The following SCRG1 variants were observed in gnomAD, a reference collection of about 807,000 sequenced individuals.
The protein encoded by SCRG1 is scrapie-responsive protein 1.
SCRG1 carries 3 observed loss-of-function variants against 7.7 expected under a neutral mutation model. The observed-to-expected ratio is 0.39, with a 90% CI of 0.18 to 1.01. SCRG1 has a LOEUF of 1.01. Among genes scored for constraint, SCRG1 ranks in the 50% least tolerant of loss-of-function variants. SCRG1 has a pLI of 0.36. For synonymous variants in SCRG1, 46 were observed against 41.2 expected (o/e 1.12, Z -0.44); for missense variants, 110 against 117.2 (o/e 0.94, Z 0.28).
At chr4:173,474,900 G>A in the SCRG1 span, among the ~76,000 whole-genome samples, 3 of 150,172 alleles carry the variant, frequency 2.0e-5, no homozygotes, top group African/African-American at 7.5e-5. Context: ...AAAAATCCTT[G>A]TGTGGTGAGT....
At chr4:173,474,597 A>G in the SCRG1 span, among the ~76,000 whole-genome samples, 1 of 152,216 alleles carries the variant, frequency 6.6e-6, no homozygotes, top group Non-Finnish European at 1.5e-5. Context: ...AAGGGATGAC[A>G]CTTGGCAACC....
chr4:173,416,010 C>T, the SCRG1 span, among the ~76,000 whole-genome samples: 2 of 152,230 alleles, frequency 1.3e-5, no homozygotes, highest in African/African-American at 2.4e-5. Flanking sequence ...CCTGGTAAGA[C>T]CAGCATGTGC....
At chr4:173,423,569 A>C in the SCRG1 span, among the ~76,000 whole-genome samples, 1 of 152,192 alleles carries the variant, frequency 6.6e-6, no homozygotes, top group Non-Finnish European at 1.5e-5. Flanking sequence ...ATTTTAAACT[A>C]TTAATAATAA....
chr4:173,461,548 A>G, the SCRG1 span, among the ~76,000 whole-genome samples: 1 of 152,204 alleles, frequency 6.6e-6, no homozygotes, highest in Admixed American at 6.5e-5. Context: ...AGATCACAAC[A>G]CCCAAGTCCT....
chr4:173,454,285 A>T, the SCRG1 span, among the ~76,000 whole-genome samples: 83,166 of 151,292 alleles, frequency 0.55, 24,274 homozygotes, highest in Non-Finnish European at 0.67. Context: ...GGAGGTTAGG[A>T]TTGGTTTCTG....
At chr4:173,438,277 A>T in the SCRG1 span, among the ~76,000 whole-genome samples, 13 of 113,664 alleles carry the variant, frequency 1.1e-4, no homozygotes, top group East Asian at 3.4e-3. Flanking sequence ...TACCATGCCC[A>T]GCTAATTTTT....
the SCRG1 span, among the ~76,000 whole-genome samples, chr4:173,472,271 T>C: frequency 2.6e-5 from 4 of 152,232 alleles, no homozygotes; most frequent in Non-Finnish European, 5.9e-5. Context: ...TCTTTACCAG[T>C]TTTATCTCCA....
chr4:173,432,157 T>A, the SCRG1 span, among the ~76,000 whole-genome samples: 2 of 152,178 alleles, frequency 1.3e-5, no homozygotes, highest in Non-Finnish European at 1.5e-5. Context: ...AGAGCCAGTA[T>A]CATGGGATCT....
At chr4:173,504,305 C>T in the SCRG1 span, among the ~76,000 whole-genome samples, 1,934 of 152,310 alleles carry the variant, frequency 0.013, 46 homozygotes, top group African/African-American at 0.044. This position sits in a 1 kb window ranked among gnomAD's most constrained non-coding sequence, Gnocchi z 4.7. Context: ...GCAGCGCAAA[C>T]GGCGTGCTCC....
At chr4:173,468,417 C>T in the SCRG1 span, 1 of 152,106 alleles carries the variant, frequency 6.6e-6, no homozygotes, top group Non-Finnish European at 1.5e-5. Flanking sequence ...ACAAAATAGC[C>T]TAATGACAGA....
the SCRG1 span, among the ~76,000 whole-genome samples, chr4:173,483,220 ATATATAT>A: frequency 5.3e-5 from 1 of 18,916 alleles, no homozygotes; most frequent in South Asian, 1.6e-3. Context: ...ATCATATAAT[ATATATAT>A]TATATATAAT....
the SCRG1 span, among the ~76,000 whole-genome samples, chr4:173,432,446 C>T: frequency 6.6e-6 from 1 of 151,420 alleles, no homozygotes; most frequent in African/African-American, 2.4e-5. Context: ...CTTCTTCCTC[C>T]TCTCCTGTCT....
the SCRG1 span, among the ~76,000 whole-genome samples, chr4:173,432,517 TCTTTCTACCCA>T: frequency 6.6e-6 from 1 of 151,502 alleles, no homozygotes; most frequent in African/African-American, 2.4e-5. Flanking sequence ...TGTGGATAAC[TCTTTCTACCCA>T]CTTTCTACCC....
chr4:173,485,999 C>T, the SCRG1 span, among the ~76,000 whole-genome samples: 34 of 152,246 alleles, frequency 2.2e-4, 1 homozygote, highest in South Asian at 7.0e-3. Flanking sequence ...GTATGATTCC[C>T]TGTCTCTCTA....
chr4:173,488,006 C>A, the SCRG1 span, among the ~76,000 whole-genome samples: 13 of 151,928 alleles, frequency 8.6e-5, no homozygotes, highest in African/African-American at 2.9e-4. Context: ...GAGGCTGAGG[C>A]ATGAGAATCG....
At chr4:173,443,943 T>TTGTGTGTG in the SCRG1 span, among the ~76,000 whole-genome samples, 2,570 of 138,764 alleles carry the variant, frequency 0.019, 42 homozygotes, top group Middle Eastern at 0.075. Context: ...AGAGCTTGTT[T>TTGTGTGTG]TGTGTGTGTG....
chr4:173,400,539 A>G (rs759590461), upstream of SCRG1, among the ~76,000 whole-genome samples: 39 of 152,162 alleles, frequency 2.6e-4, no homozygotes, highest in Non-Finnish European at 4.4e-4. Flanking sequence ...TAGTTCATCA[A>G]CCAATCAACT....
the SCRG1 span, among the ~76,000 whole-genome samples, chr4:173,478,233 C>T: frequency 4.6e-5 from 7 of 152,294 alleles, no homozygotes; most frequent in African/African-American, 1.7e-4. Context: ...AATATAGTCT[C>T]ATGTAAGAGG....
the SCRG1 span, among the ~76,000 whole-genome samples, chr4:173,417,711 G>A: frequency 6.6e-6 from 1 of 151,584 alleles, no homozygotes. Flanking sequence ...GCTCACTGCA[G>A]CCTTGAACTC....
Sources: allele counts gnomAD v4.1 joint callset (sites outside exome capture counted in the v4.1 genomes callset), GRCh38; gene constraint gnomAD v4.1.1; non-coding constraint Gnocchi (gnomAD v3.1); transcripts MANE v1.5; gene names NCBI Gene and HGNC (gene_info 2026-07-23, HGNC 2026-07-21).